TIMM23: variants seen among roughly 807,000 people sequenced by gnomAD.
TIMM23 encodes translocase of inner mitochondrial membrane 23, also known as mitochondrial import inner membrane translocase subunit Tim23.
TIMM23 carries 19 observed loss-of-function variants against 30.7 expected under a neutral mutation model. The observed-to-expected ratio is 0.62, with a 90% CI of 0.43 to 0.91. TIMM23 has a LOEUF of 0.91. Among genes scored for constraint, TIMM23 ranks in the 40% least tolerant of loss-of-function variants. TIMM23 has a pLI of 0.00. For synonymous variants in TIMM23, 78 were observed against 98.5 expected, an observed-to-expected ratio of 0.79 and a Z score of 1.23; for missense variants, 202 against 269.2, an observed-to-expected ratio of 0.75 and a Z score of 1.75.
chr10:45,998,457 G>T, intron 6 of TIMM23: 1 of 911,320 alleles, frequency 1.1e-6, no homozygotes, highest in Non-Finnish European at 1.3e-6. Flanking sequence ...GGCCTTATTT[G>T]GTTACTCTGT....
At chr10:45,985,792 G>C (rs1315016532) in intron 5 of TIMM23, among the ~76,000 whole-genome samples, 2 of 152,208 alleles carry the variant, frequency 1.3e-5, no homozygotes, top group Non-Finnish European at 2.9e-5. Flanking sequence ...AGGTCCTGTA[G>C]TGATACATGA....
At chr10:45,979,335 T>A (rs1400891238) in intron 2 of TIMM23, among the ~76,000 whole-genome samples, 2 of 152,174 alleles carry the variant, frequency 1.3e-5, no homozygotes, top group African/African-American at 4.8e-5. Context: ...AGACAAAGTC[T>A]CCCAGACTGG....
At chr10:45,975,787 G>A (rs1198507427) in intron 2 of TIMM23, among the ~76,000 whole-genome samples, 2 of 152,060 alleles carry the variant, frequency 1.3e-5, no homozygotes, top group Non-Finnish European at 2.9e-5. Context: ...CAAAGTGTGT[G>A]GGGTTTTTTG....
intron 6 of TIMM23, among the ~76,000 whole-genome samples, chr10:45,989,815 T>G (rs1838102384): frequency 6.6e-6 from 1 of 152,336 alleles, no homozygotes; most frequent in East Asian, 1.9e-4. Flanking sequence ...GATAATTCTC[T>G]TCTGTGATAA....
intron 2 of TIMM23, among the ~76,000 whole-genome samples, chr10:45,978,235 C>A (rs1837736985): frequency 6.6e-6 from 1 of 152,008 alleles, no homozygotes. Context: ...CACCTGTAGT[C>A]CCAGCTACTA....
In TIMM23 at chr10:46,003,199, C is replaced by T. The variant is rs1554918109; in HGVS notation, c.515-4C>T. 5.6e-6 allele frequency: 9 copies of T among 1,610,820 alleles called. No individual in the cohort carries two copies. The highest frequency in any genetic ancestry group is 3.3e-4 in the Middle Eastern group (2 of 6,068). On this transcript the variant is annotated splice_polypyrimidine_tract_variant and splice_region_variant and intron_variant, in intron 6 of 6. Coordinates refer to ENST00000580018, the MANE Select transcript of TIMM23 (RefSeq NM_006327.4). ...TTCATTTTCCTTTTGTCTCTGTTTC[C>T]CAGGTGGTCTTCGAGGGATAGCACG...
At chr10:45,985,179 A>G (rs1837958962) in intron 4 of TIMM23, among the ~76,000 whole-genome samples, 1 of 152,098 alleles carries the variant, frequency 6.6e-6, no homozygotes, top group Non-Finnish European at 1.5e-5. Flanking sequence ...ACTTTTGCCT[A>G]AAGTTTTGAA....
intron 6 of TIMM23, among the ~76,000 whole-genome samples, chr10:45,992,030 C>T (rs1195961687): frequency 6.6e-6 from 1 of 151,840 alleles, no homozygotes; most frequent in Non-Finnish European, 1.5e-5. Flanking sequence ...GCAATGGTGC[C>T]ATCATGGCTC....
intron 2 of TIMM23, among the ~76,000 whole-genome samples, chr10:45,976,642 G>C (rs1161244640): frequency 3.3e-5 from 5 of 152,088 alleles, no homozygotes; most frequent in Non-Finnish European, 7.4e-5. Flanking sequence ...ACATAAAAGG[G>C]ACTTCAGCCT....
intron 6 of TIMM23, among the ~76,000 whole-genome samples, chr10:45,997,805 A>G (rs1032615919): frequency 6.6e-6 from 1 of 152,206 alleles, no homozygotes; most frequent in South Asian, 2.1e-4. Flanking sequence ...ACCCTGTCTC[A>G]GAAGAAAAAA....
At chr10:45,988,144 T>C (rs1404119998) in intron 5 of TIMM23, among the ~76,000 whole-genome samples, 3 of 152,132 alleles carry the variant, frequency 2.0e-5, no homozygotes, top group South Asian at 2.1e-4. Flanking sequence ...GGAAAATTGA[T>C]TGGATAGGCA....
intron 6 of TIMM23, among the ~76,000 whole-genome samples, chr10:45,997,021 A>G (rs2132280388): frequency 6.6e-6 from 1 of 151,226 alleles, no homozygotes; most frequent in Admixed American, 6.6e-5. Context: ...GCAAATGGGC[A>G]GATTGCTTGA....
At chr10:45,990,842 C>T (rs1838144604) in intron 6 of TIMM23, 2 of 369,530 alleles carry the variant, frequency 5.4e-6, no homozygotes, top group Admixed American at 3.5e-5. Context: ...TGTGTTAACT[C>T]CGCTAAGAAT....
At chr10:45,974,167 T>TG (rs1388167857) in intron 1 of TIMM23, among the ~76,000 whole-genome samples, 12 of 151,254 alleles carry the variant, frequency 7.9e-5, no homozygotes, top group Non-Finnish European at 1.2e-4. Flanking sequence ...GTGGGGGTTT[T>TG]TTTTGTTTTT....
At chr10:45,975,080 A>G (rs1837627033) in intron 1 of TIMM23, among the ~76,000 whole-genome samples, 1 of 152,228 alleles carries the variant, frequency 6.6e-6, no homozygotes, top group South Asian at 2.1e-4. Flanking sequence ...CATGGAATTG[A>G]TTAGTCTTTT....
chr10:45,982,651 A>C, intron 3 of TIMM23, 35 bp downstream of exon 3: 2 of 1,612,550 alleles, frequency 1.2e-6, no homozygotes, highest in Non-Finnish European at 1.7e-6. Flanking sequence ...AAGAGTGCTC[A>C]GTTCAAGTAG....
intron 2 of TIMM23, among the ~76,000 whole-genome samples, chr10:45,981,338 C>T (rs1194655443): frequency 1.5e-5 from 2 of 137,132 alleles, no homozygotes; most frequent in East Asian, 4.2e-4. Context: ...TAATTATTTA[C>T]CTTACCACAT....
In TIMM23 at chr10:46,003,587, C is replaced by T. The variant is rs1370513564; in HGVS notation, c.*269C>T. ...CTTGCACGTATCTGTTTTCCTCCCC[C>T]ATGAACTAGAAAACCACTTACTCCC... On this transcript the variant is annotated 3_prime_UTR_variant, in exon 7 of 7. Coordinates refer to ENST00000580018, the MANE Select transcript of TIMM23 (RefSeq NM_006327.4). 6.9e-6 allele frequency: 2 copies of T among 291,318 alleles called. No homozygotes were observed. Among genetic ancestry groups the T allele is most frequent in the Non-Finnish European group, 1.3e-5 (2 of 153,038 alleles). 18.0% of individuals were successfully genotyped at this position (291,318 alleles called of 1,614,324 possible). A position where few individuals can be genotyped will look rare whatever the true frequency, so the allele number is the denominator to read the frequency against.
chr10:46,000,912 C>A (rs1838511693), intron 6 of TIMM23, among the ~76,000 whole-genome samples: 1 of 152,244 alleles, frequency 6.6e-6, no homozygotes. Flanking sequence ...CTTGGTCTTA[C>A]ATTCAGAATG....
Sources: gnomAD v4.1 joint callset for allele counts (sites outside exome capture counted in the v4.1 genomes callset) on GRCh38, gnomAD v4.1.1 for gene constraint, MANE v1.5 for transcripts, NCBI Gene and HGNC (gene_info 2026-07-23, HGNC 2026-07-21) for gene names.